SPATA21: variants seen among roughly 807,000 people sequenced by gnomAD.
The protein encoded by SPATA21 is spermatogenesis-associated protein 21.
In SPATA21, 47 loss-of-function variants were observed where a neutral mutation model predicts 54.8. The observed-to-expected ratio is 0.86, with a 90% CI of 0.68 to 1.09. The LOEUF is 1.09. Ranked by LOEUF, SPATA21 falls within the 50% of genes least tolerant of loss-of-function variation. The pLI, the probability that SPATA21 is intolerant of heterozygous loss-of-function variation, is 0.00. For synonymous variants in SPATA21, 245 were observed against 235.3 expected (o/e 1.04, Z -0.38); for missense variants, 599 against 596.4 (o/e 1.00, Z -0.05).
chr1:16,430,637 C>A (rs2086436290), intron 3 of SPATA21, among the ~76,000 whole-genome samples: 1 of 152,144 alleles, frequency 6.6e-6, no homozygotes, highest in South Asian at 2.1e-4. Flanking sequence ...GTAGGCAATT[C>A]TGGGTTTGCT....
chr1:16,402,483 G>A lies in SPATA21; in HGVS notation c.1001+1244C>T, dbSNP rs543927935. ...TCACCATGTTAGCCAGGATGCTCTC[G>A]ATCTCCTGACCTTGTGATCCGCCCA... On this transcript the variant is annotated intron_variant, in intron 10 of 12. Coordinates refer to ENST00000335496, the MANE Select transcript of SPATA21 (RefSeq NM_198546.1). Among the ~76,000 whole-genome samples, 276 of 151,428 alleles carry A rather than the reference G, an allele frequency of 1.8e-3. 3 individuals are homozygous for A. Among genetic ancestry groups the A allele is most frequent in the Non-Finnish European group, 1.6e-3 (111 of 67,858 alleles).
chr1:16,425,452 T>C (rs968760836), intron 3 of SPATA21: 16 of 1,456,690 alleles, frequency 1.1e-5, no homozygotes, highest in Admixed American at 2.0e-5. Context: ...GGGGGCATGA[T>C]AGGAGGGGGG....
chr1:16,433,384 G>A (rs766093324), intron 1 of SPATA21, among the ~76,000 whole-genome samples: 6 of 152,346 alleles, frequency 3.9e-5, no homozygotes, highest in Admixed American at 6.5e-5. Context: ...CACCTGGAGC[G>A]GAAAAGTCAG....
In SPATA21 at chr1:16,404,995, C is replaced by T; in HGVS notation, c.783G>A (p.Glu261=). 1 of 1,605,888 alleles carries T rather than the reference C, an allele frequency of 6.2e-7. No individual in the cohort carries two copies. Among genetic ancestry groups the T allele is most frequent in the Non-Finnish European group, 8.5e-7 (1 of 1,177,724 alleles). ...TGACATCAGCACTCATCAGGGCGTC[C>T]TCCACCTGGGCCAGCGTCACAGAGA... ...MGFSVTLAQV[E]DALMSADVNG... is the part of the protein sequence containing the mutation. The change falls in exon 8 of 13, where the codon GAG becomes GAA. Residue 261 remains glutamate (E), a synonymous_variant. Transcript: ENST00000335496.
In SPATA21 at chr1:16,409,334, ATGGCAGG is replaced by A; in HGVS notation, c.588-138_588-132del. ...TTTGGGGAGCCCGGAGAGATCAAGAATGGCAGGAAAAAGGAGATCCAGAGGAGAAGTG... is the reference window on the plus strand; with the variant it reads ...TTTGGGGAGCCCGGAGAGATCAAGAAAAAAAGGAGATCCAGAGGAGAAGTG... On this transcript the variant is annotated intron_variant, in intron 6 of 12. Transcript: ENST00000335496. The surrounding 1 kb of genome is among the most constrained non-coding windows in gnomAD (Gnocchi z 4.1). 1.0e-6 allele frequency: 1 copy of A among 994,280 alleles called. No homozygotes were observed. Among genetic ancestry groups the A allele is most frequent in the Admixed American group, 2.3e-5 (1 of 43,060 alleles). The allele number at this position is 994,280 out of a possible 1,614,324, so 61.6% of individuals were successfully genotyped here.
intron 3 of SPATA21, among the ~76,000 whole-genome samples, chr1:16,427,383 C>G (rs1263127460): frequency 6.6e-6 from 1 of 151,962 alleles, no homozygotes; most frequent in African/African-American, 2.4e-5. Context: ...ATTATCCCAG[C>G]CTTTCACTTT....
rs556496516 is a variant in SPATA21, at chr1:16,428,541, C to A, written c.34+2797G>T. 1.3e-5 allele frequency among the ~76,000 whole-genome samples: 2 copies of A among 152,044 alleles called. No individual in the cohort carries two copies. The highest frequency in any genetic ancestry group is 4.8e-5 in the African/African-American group (2 of 41,542). ...AGTAGGTGGGATTACAGGTGTGCGC[C>A]ACCATGCCCAACTAATTTTTTTTTT... On this transcript the variant is annotated intron_variant, in intron 3 of 12. Transcript: ENST00000335496. This position sits in a 1 kb window ranked among gnomAD's most constrained non-coding sequence, Gnocchi z 4.3.
At chr1:16,430,980 A>G (rs1215764389) in intron 3 of SPATA21, among the ~76,000 whole-genome samples, 2 of 152,348 alleles carry the variant, frequency 1.3e-5, no homozygotes, top group East Asian at 3.9e-4. Flanking sequence ...AGCTTGCCTG[A>G]GAATGAATCC....
chr1:16,414,158 C>T (rs11260751), intron 5 of SPATA21, among the ~76,000 whole-genome samples: 47,066 of 151,722 alleles, frequency 0.31, 7,568 homozygotes, highest in African/African-American at 0.34. Flanking sequence ...CTCCGCCTCC[C>T]GGGTTCAAGT....
chr1:16,399,592 G>T (rs2085380936), intron 11 of SPATA21, 71 bp from the exon 12 acceptor site: 1 of 1,517,362 alleles, frequency 6.6e-7, no homozygotes, highest in Non-Finnish European at 8.9e-7. Flanking sequence ...GCAGATTCAA[G>T]TGAAATCCTG....
chr1:16,410,082 G>T, intron 5 of SPATA21, 39 bp from the exon 6 acceptor site: 1 of 1,477,504 alleles, frequency 6.8e-7, no homozygotes, highest in Non-Finnish European at 9.1e-7. Context: ...CCTCTAGTGG[G>T]CCAGAGTGTC....
rs186064559 is a variant in SPATA21 at position 16,431,531 on chromosome 1, G to A, written c.-51-109C>T. ...GACAGCCTGGCTCGAGGGAAGAGGC[G>A]GGGCCAGGCCTTGCAAGGAGAGGCA... On this transcript the variant is annotated intron_variant, in intron 2 of 12. Transcript: ENST00000335496. The A allele has an allele frequency of 1.5e-5, 16 of 1,065,232 alleles. No homozygotes were observed. The Admixed American group carries it at 2.2e-4, about 15-fold the overall frequency. The allele number at this position is 1,065,232 out of a possible 1,614,324, so 66.0% of individuals were successfully genotyped here.
rs2086541226 is a variant in SPATA21 at position 16,434,586 on chromosome 1, A to G, written c.-186-1662T>C. On this transcript the variant is annotated intron_variant, in intron 1 of 12. Transcript: ENST00000335496. ...GCTGAGATTACAGGTGTGAGCCACC[A>G]TGCCTGGCCCGTTTCCACATTTTAC... Among the ~76,000 whole-genome samples, 3 of 152,044 alleles carry G rather than the reference A, an allele frequency of 2.0e-5. No individual in the cohort carries two copies. In the South Asian group the frequency reaches 6.2e-4, roughly 32 times the overall value.
intron 10 of SPATA21, among the ~76,000 whole-genome samples, chr1:16,403,067 C>T (rs2085504384): frequency 6.6e-6 from 1 of 152,198 alleles, no homozygotes; most frequent in Non-Finnish European, 1.5e-5. Context: ...TCTGCCTTCG[C>T]CTTTGCTTCT....
chr1:16,429,763 C>T (rs1024659056), intron 3 of SPATA21, among the ~76,000 whole-genome samples: 2 of 151,606 alleles, frequency 1.3e-5, no homozygotes, highest in Non-Finnish European at 2.9e-5. Flanking sequence ...CGTGAGCCAC[C>T]GCGCCCGGCT....
intron 3 of SPATA21, chr1:16,425,567 C>A (rs768703816): frequency 5.8e-6 from 9 of 1,549,694 alleles, no homozygotes; most frequent in Non-Finnish European, 7.8e-6. Flanking sequence ...TCCCCGGTTC[C>A]GTTGCCTCCC....
At chr1:16,402,407 A>G (rs1049327007) in intron 10 of SPATA21, among the ~76,000 whole-genome samples, 92 of 149,404 alleles carry the variant, frequency 6.2e-4, no homozygotes, top group African/African-American at 2.1e-3. Context: ...GATTACAGGC[A>G]CCCGCCACCA....
chr1:16,407,711 G>A (rs551247004), intron 7 of SPATA21, among the ~76,000 whole-genome samples: 2 of 152,118 alleles, frequency 1.3e-5, no homozygotes, highest in South Asian at 2.1e-4. Context: ...ACCCGCCTAA[G>A]CCTCCCAAAG....
intron 12 of SPATA21, among the ~76,000 whole-genome samples, chr1:16,399,113 T>A (rs1182664358): frequency 2.0e-5 from 3 of 152,110 alleles, no homozygotes; most frequent in African/African-American, 7.2e-5. Context: ...TGCCACTGAG[T>A]CCTGGACACA....
Sources: gnomAD v4.1 joint callset for allele counts (sites outside exome capture counted in the v4.1 genomes callset) on GRCh38, gnomAD v4.1.1 for gene constraint, Gnocchi (gnomAD v3.1) non-coding constraint, MANE v1.5 for transcripts, NCBI Gene and HGNC (gene_info 2026-07-23, HGNC 2026-07-21) for gene names.